The following USP48 variants were observed in gnomAD, a reference collection of about 807,000 sequenced individuals.
USP48 encodes ubiquitin specific peptidase 48, also known as ubiquitin carboxyl-terminal hydrolase 48.
In USP48, 43 loss-of-function variants were observed where a neutral mutation model predicts 150.7. That is an observed-to-expected ratio of 0.29 (90% confidence interval 0.22 to 0.37). The LOEUF (loss-of-function observed/expected upper bound fraction) is 0.37. Among genes scored for constraint, USP48 ranks in the 10% least tolerant of loss-of-function variants. The pLI is 1.00. For synonymous variants in USP48, 396 were observed against 425.9 expected (o/e 0.93, Z 0.86); for missense variants, 813 against 1,249.6 (o/e 0.65, Z 5.27).
At chr1:21,714,025 G>A (rs1013413920) in intron 15 of USP48, among the ~76,000 whole-genome samples, 22 of 152,074 alleles carry the variant, frequency 1.4e-4, no homozygotes, top group African/African-American at 5.3e-4. Context: ...TACTCTAGTG[G>A]CAACCACCAT....
intron 8 of USP48, among the ~76,000 whole-genome samples, chr1:21,742,135 T>C (rs2097783296): frequency 6.6e-6 from 1 of 151,986 alleles, no homozygotes. Flanking sequence ...AATTTTAGGG[T>C]TTACTTGGAA....
At position 21,703,623 on chromosome 1, in the gene USP48, G is replaced by GGGGGAAAAAAAAAA. The variant is rs764498839; in HGVS notation, c.2516-19_2516-6dup. The GGGGGAAAAAAAAAA allele has an allele frequency of 3.4e-5, 54 of 1,576,130 alleles. 1 individual carries two copies. In the South Asian group the frequency reaches 6.1e-4, roughly 18 times the overall value. ...CTCTGCATTCTGGACAGAGTTCTTT[G>GGGGGAAAAAAAAAA]GGGGAAAAAAAAAAAGGGAAAACAG... On this transcript the variant is annotated splice_region_variant and splice_polypyrimidine_tract_variant and intron_variant, in intron 20 of 26. Coordinates refer to ENST00000308271, the MANE Select transcript of USP48 (RefSeq NM_032236.8).
intron 15 of USP48, among the ~76,000 whole-genome samples, chr1:21,707,451 C>T (rs333170): frequency 0.21 from 32,414 of 152,100 alleles, 4,445 homozygotes; most frequent in Non-Finnish European, 0.3. Context: ...ATCTGAAAAC[C>T]ATCTCCAGTC....
intron 1 of USP48, among the ~76,000 whole-genome samples, chr1:21,781,706 C>CCTG (rs2097915030): frequency 6.6e-6 from 1 of 152,238 alleles, no homozygotes; most frequent in South Asian, 2.1e-4. Context: ...TGCACTCCAG[C>CCTG]CTGTGTGACA....
At chr1:21,723,628 G>A (rs2097728206) in intron 12 of USP48, among the ~76,000 whole-genome samples, 1 of 151,950 alleles carries the variant, frequency 6.6e-6, no homozygotes, top group South Asian at 2.1e-4. Flanking sequence ...CTACCAGACA[G>A]TTTTCTTAAA....
intron 1 of USP48, among the ~76,000 whole-genome samples, chr1:21,760,887 ATT>A (rs2097848329): frequency 2.6e-5 from 4 of 151,954 alleles, no homozygotes; most frequent in African/African-American, 9.7e-5. Context: ...TGAGGTCGGG[ATT>A]TCGAGACCAG....
At chr1:21,772,598 G>T (rs1309095431) in intron 1 of USP48, among the ~76,000 whole-genome samples, 1 of 150,848 alleles carries the variant, frequency 6.6e-6, no homozygotes, top group African/African-American at 2.4e-5. Context: ...ACTCCAGCCT[G>T]GGTGACACAG....
intron 2 of USP48, 178 bp downstream of exon 2, chr1:21,757,485 G>T: frequency 2.0e-6 from 1 of 507,462 alleles, no homozygotes; most frequent in Non-Finnish European, 3.3e-6. Flanking sequence ...CTGTTTTAAA[G>T]CATATCATTA....
Position 21,774,126 on chromosome 1 carries a change from A to G in USP48, c.134+8698T>C, listed in dbSNP as rs1402142568. ...CCCAAAAGGTGGAGGTTGCAGTGAG[A>G]GCAGATAACGCCACTGCACTCCAGC... On this transcript the variant is annotated intron_variant, in intron 1 of 26. Coordinates refer to ENST00000308271, the MANE Select transcript of USP48 (RefSeq NM_032236.8). 2.0e-5 allele frequency among the ~76,000 whole-genome samples: 3 copies of G among 151,656 alleles called. No individual in the cohort carries two copies. The East Asian group carries it at 5.8e-4, about 30-fold the overall frequency.
chr1:21,698,713 T>C (rs1190023161), intron 22 of USP48, among the ~76,000 whole-genome samples: 1 of 152,062 alleles, frequency 6.6e-6, no homozygotes, highest in African/African-American at 2.4e-5. Context: ...GATATCACGG[T>C]GAAACCCCGT....
At chr1:21,765,530 T>G (rs1259339185) in intron 1 of USP48, among the ~76,000 whole-genome samples, 1 of 151,034 alleles carries the variant, frequency 6.6e-6, no homozygotes, top group Non-Finnish European at 1.5e-5. Context: ...GGCAGAAGGC[T>G]CGCTTGAACC....
Position 21,689,878 on chromosome 1 carries a change from C to T in USP48, c.3009+96G>A, listed in dbSNP as rs2097592297. ...ATTTATCACTACCCTCTGCTAAAGA[C>T]CCAAGGCATCCTTTAACCACCATTT... On this transcript the variant is annotated intron_variant, in intron 24 of 26. Transcript: ENST00000308271. 9 of 1,517,176 alleles carry T rather than the reference C, an allele frequency of 5.9e-6. No individual in the cohort carries two copies. In the Admixed American group the frequency reaches 1.8e-4, roughly 30 times the overall value. The allele number at this position is 1,517,176 out of a possible 1,614,324, so 94.0% of individuals were successfully genotyped here. A position where few individuals can be genotyped will look rare whatever the true frequency, so the allele number is the denominator to read the frequency against.
intron 15 of USP48, among the ~76,000 whole-genome samples, chr1:21,709,687 AGAG>A (rs1359502529): frequency 6.6e-6 from 1 of 152,126 alleles, no homozygotes; most frequent in African/African-American, 2.4e-5. Flanking sequence ...TTAAATGAGC[AGAG>A]GAGACCACAG....
rs1216783386 is a variant in USP48 at position 21,723,880 on chromosome 1, G to A, written c.1648+18C>T. 6.2e-7 allele frequency: 1 copy of A among 1,602,826 alleles called. No individual in the cohort carries two copies. The highest frequency in any genetic ancestry group is 1.3e-5 in the African/African-American group (1 of 74,582). ...AATGAGCTGCTCTTTTTTAAACAGAGAGGACATCTTGAATTACCAGTTAGT... is the reference window on the plus strand; with the variant it reads ...AATGAGCTGCTCTTTTTTAAACAGAAAGGACATCTTGAATTACCAGTTAGT... On this transcript the variant is annotated intron_variant, in intron 12 of 26. Transcript: ENST00000308271.
At chr1:21,685,541 C>T (rs1172215712) in intron 25 of USP48, among the ~76,000 whole-genome samples, 1 of 152,182 alleles carries the variant, frequency 6.6e-6, no homozygotes, top group Non-Finnish European at 1.5e-5. Flanking sequence ...TCACAAACTC[C>T]TGACTTCAAC....
intron 22 of USP48, among the ~76,000 whole-genome samples, chr1:21,699,390 G>C (rs1459484975): frequency 1.4e-5 from 2 of 147,336 alleles, no homozygotes; most frequent in African/African-American, 2.5e-5. Flanking sequence ...AGTAGAGACA[G>C]GGTTTCACTG....
intron 2 of USP48, 99 bp downstream of exon 2, chr1:21,757,564 C>A: frequency 7.3e-7 from 1 of 1,366,166 alleles, no homozygotes; most frequent in Non-Finnish European, 9.9e-7. Context: ...GCACAGGTTA[C>A]CTGAAATCAG....
rs144002234 is a variant in USP48 at position 21,779,863 on chromosome 1, A to T, written c.134+2961T>A. ...AGGAAAATGCAAATCAAAACTACAA[A>T]GATGCATCACTTCACACCCAAGTAG... On this transcript the variant is annotated intron_variant, in intron 1 of 26. Coordinates refer to ENST00000308271, the MANE Select transcript of USP48 (RefSeq NM_032236.8). 2.8e-3 allele frequency among the ~76,000 whole-genome samples: 419 copies of T among 152,310 alleles called. 2 individuals carry two copies. The highest frequency in any genetic ancestry group is 9.7e-3 in the African/African-American group (404 of 41,578).
intron 25 of USP48, chr1:21,686,221 A>AT (rs2097579996): frequency 6.6e-6 from 1 of 152,148 alleles, no homozygotes; most frequent in African/African-American, 2.4e-5. Context: ...TTCCAATACT[A>AT]TGTTGAATAA....
Sources: gnomAD v4.1 joint callset for allele counts (sites outside exome capture counted in the v4.1 genomes callset) on GRCh38, gnomAD v4.1.1 for gene constraint, MANE v1.5 for transcripts, NCBI Gene and HGNC (gene_info 2026-07-23, HGNC 2026-07-21) for gene names.